The following PDLIM3 variants were observed in gnomAD, a reference collection of about 807,000 sequenced individuals.
The protein encoded by PDLIM3 is PDZ and LIM domain 3, also known as PDZ and LIM domain protein 3.
A neutral mutation model predicts 37.3 loss-of-function variants in PDLIM3; 36 were observed. That is an observed-to-expected ratio of 0.97 (90% CI 0.74 to 1.28). The LOEUF is 1.28. PDLIM3 is among the 50% of genes most tolerant of loss of function. The probability of loss-of-function intolerance (pLI) is 0.00; values close to 1 mark genes in which losing one functional copy is unlikely to be tolerated. For synonymous variants in PDLIM3, 174 were observed against 182.4 expected, an observed-to-expected ratio of 0.95 and a Z score of 0.37; for missense variants, 454 against 485.0, an observed-to-expected ratio of 0.94 and a Z score of 0.60.
intron 2 of PDLIM3, among the ~76,000 whole-genome samples, chr4:185,523,663 G>A (rs2153337939): frequency 6.9e-6 from 1 of 145,072 alleles, no homozygotes; most frequent in Admixed American, 7.1e-5. Flanking sequence ...CTGTCAACCA[G>A]GCTGGAGTGC....
rs1410401056 is a variant in PDLIM3, at chr4:185,514,267, G to T, written c.398+3C>A. ...CAAACTCCACAGTCTCAGCGCTTATGACCTGCTTCGGCCCGGGATCACGAA... is the reference window on the plus strand; with the variant it reads ...CAAACTCCACAGTCTCAGCGCTTATTACCTGCTTCGGCCCGGGATCACGAA... On this transcript the variant is annotated splice_donor_region_variant and intron_variant, in intron 4 of 7. Coordinates refer to ENST00000284767, the MANE Select transcript of PDLIM3 (RefSeq NM_014476.6). This position sits in a 1 kb window ranked among gnomAD's most constrained non-coding sequence, Gnocchi z 4.0. The T allele has an allele frequency of 1.2e-6, 2 of 1,614,076 alleles. No individual in the cohort carries two copies. The highest frequency in any genetic ancestry group is 1.3e-5 in the African/African-American group (1 of 74,936).
intron 4 of PDLIM3, among the ~76,000 whole-genome samples, chr4:185,510,688 G>T (rs1162838681): frequency 6.6e-6 from 1 of 152,256 alleles, no homozygotes; most frequent in Admixed American, 6.5e-5. Context: ...AACTTGCACA[G>T]TTCAAACCCG....
Position 185,523,342 on chromosome 4 carries a change from A to G in PDLIM3, c.330+20T>C, listed in dbSNP as rs753557334. ...TTTAAAAGGAAATACAATGTGTATC[A>G]TTTGCTCTAAAACGCATACCTGTGG... On this transcript the variant is annotated intron_variant, in intron 3 of 7. Coordinates refer to ENST00000284767, the MANE Select transcript of PDLIM3 (RefSeq NM_014476.6). 1.3e-6 allele frequency: 2 copies of G among 1,524,650 alleles called. No individual in the cohort carries two copies. Among genetic ancestry groups the G allele is most frequent in the Middle Eastern group, 1.7e-4 (1 of 5,902 alleles). 94.4% of individuals were successfully genotyped at this position (1,524,650 alleles called of 1,614,324 possible).
intron 6 of PDLIM3, 113 bp downstream of exon 6, chr4:185,506,409 C>T: frequency 1.4e-6 from 2 of 1,419,582 alleles, no homozygotes; most frequent in Non-Finnish European, 9.8e-7. Context: ...ATTTGGCTCC[C>T]AATGAAAACC....
intron 2 of PDLIM3, among the ~76,000 whole-genome samples, chr4:185,524,655 C>T (rs927776419): frequency 6.6e-6 from 1 of 151,820 alleles, no homozygotes; most frequent in African/African-American, 2.4e-5. Flanking sequence ...GGAATCTCTC[C>T]ATTCCATTCC....
intron 1 of PDLIM3, among the ~76,000 whole-genome samples, chr4:185,525,828 C>A (rs1405058012): frequency 6.6e-6 from 1 of 152,154 alleles, no homozygotes; most frequent in East Asian, 1.9e-4. Flanking sequence ...GAGGTGTCTG[C>A]AACCCAGAAG....
At chr4:185,534,831 G>C (rs1315746123) in intron 1 of PDLIM3, among the ~76,000 whole-genome samples, 1 of 152,182 alleles carries the variant, frequency 6.6e-6, no homozygotes, top group Non-Finnish European at 1.5e-5. Flanking sequence ...TTTGGCCAAC[G>C]CAGGTCGTGC....
At chr4:185,530,703 T>C (rs1436015186) in intron 1 of PDLIM3, among the ~76,000 whole-genome samples, 1 of 152,154 alleles carries the variant, frequency 6.6e-6, no homozygotes. Flanking sequence ...AAGTGTTAAA[T>C]TGCAGCTGTG....
At chr4:185,524,926 G>T in intron 2 of PDLIM3, 94 bp downstream of exon 2, 1 of 1,224,842 alleles carries the variant, frequency 8.2e-7, no homozygotes, top group Non-Finnish European at 1.2e-6. Flanking sequence ...TAGGTCTGTG[G>T]CCCTCCTTGC....
rs2095711164 is a variant in PDLIM3 at position 185,514,253 on chromosome 4, GTC to G, written c.398+15_398+16del. ...AGAAGCATGCACTGCAAACTCCACA[GTC>G]TCAGCGCTTATGACCTGCTTCGGCC... is the stretch of plus-strand genomic sequence containing the variant. On this transcript the variant is annotated intron_variant, in intron 4 of 7. Transcript: ENST00000284767. This position sits in a 1 kb window ranked among gnomAD's most constrained non-coding sequence, Gnocchi z 4.0. 1 of 1,614,242 alleles carries G rather than the reference GTC, an allele frequency of 6.2e-7. No homozygotes were observed. Among genetic ancestry groups the G allele is most frequent in the Non-Finnish European group, 8.5e-7 (1 of 1,180,050 alleles).
At chr4:185,506,199 G>C (rs1043257987) in intron 6 of PDLIM3, among the ~76,000 whole-genome samples, 1 of 152,188 alleles carries the variant, frequency 6.6e-6, no homozygotes, top group East Asian at 1.9e-4. Flanking sequence ...AGAGTGTGGG[G>C]GGGAGGCTGA....
At chr4:185,508,053 C>T (rs2095700699) in intron 5 of PDLIM3, among the ~76,000 whole-genome samples, 1 of 152,194 alleles carries the variant, frequency 6.6e-6, no homozygotes, top group Non-Finnish European at 1.5e-5. Context: ...TAAAGCTCTA[C>T]AGATAATTCC....
chr4:185,508,358 A>G lies in PDLIM3; in HGVS notation c.603T>C (p.Asn201=), dbSNP rs1446602869. Residue 201 remains asparagine, a synonymous_variant, in exon 5 of 8, where the codon AAT becomes AAC. Transcript: ENST00000284767. ...CCTGACCCTGGAGTGTTTCCATAAT[A>G]TTGTCATCTGAGTACAACTGCATAG... ...NTPMQLYSDD[N]IMETLQGQVS... 1 of 1,614,066 alleles carries G rather than the reference A, an allele frequency of 6.2e-7. No individual in the cohort carries two copies. The highest frequency in any genetic ancestry group is 1.7e-5 in the Admixed American group (1 of 60,012).
rs1051074605 is a variant in PDLIM3, at chr4:185,504,367, T to C, written c.905+108A>G. 1.9e-5 allele frequency: 16 copies of C among 842,442 alleles called. No individual in the cohort carries two copies. The highest frequency in any genetic ancestry group is 1.1e-4 in the East Asian group (4 of 37,634). The allele number at this position is 842,442 out of a possible 1,614,324, so 52.2% of individuals were successfully genotyped here. ...GGACCTTACGTTTCAAGTTGATGAA[T>C]AGAAATTTGGTTTTCACAGTTGCCT... On this transcript the variant is annotated intron_variant, in intron 7 of 7. Transcript: ENST00000284767. The surrounding 1 kb of genome is among the most constrained non-coding windows in gnomAD (Gnocchi z 4.7).
rs768654855 is a variant in PDLIM3, at chr4:185,535,381, T to A, written c.54A>T (p.Ser18=). The A allele has an allele frequency of 6.2e-7, 1 of 1,608,218 alleles. No homozygotes were observed. Residue 18 remains serine (S), a synonymous_variant, in exon 1 of 8, where the codon TCA becomes TCT. Transcript: ENST00000284767. ...PGPAPWGFRL[S]GGIDFNQPLV... ...AAGGCTGGTTGAAGTCTATGCCCCC[T>A]GAGAGCCTGAAGCCCCAGGGCGCAG...
intron 4 of PDLIM3, among the ~76,000 whole-genome samples, chr4:185,511,303 C>T (rs2095706136): frequency 6.6e-6 from 1 of 151,922 alleles, no homozygotes; most frequent in Non-Finnish European, 1.5e-5. Flanking sequence ...ATCAAAAGAA[C>T]TATAGCTAAT....
chr4:185,517,408 T>C (rs1190002168), intron 3 of PDLIM3: 1 of 148,590 alleles, frequency 6.7e-6, no homozygotes, highest in Non-Finnish European at 1.5e-5. Context: ...AAAGTCTTTG[T>C]AAATAGAATT....
rs780511861 is a variant in PDLIM3, at chr4:185,502,446, G to T, written c.943C>A (p.Pro315Thr). The T allele has an allele frequency of 3.7e-6, 6 of 1,614,170 alleles. No homozygotes were observed. The South Asian group carries it at 4.4e-5, about 12-fold the overall frequency. ...CAGTCGGCACACACGAAGCACTCAG[G>T]GTGCCGGTACTTATCCCGCGCCTTC... is the stretch of plus-strand genomic sequence containing the variant. ...VVKARDKYRH[P>T]ECFVCADCNL... Residue 315 changes from proline to threonine, a missense_variant, in exon 8 of 8, where the codon CCT becomes ACT. By Grantham distance (38) the Pro-to-Thr change is conservative. Transcript: ENST00000284767.
rs764823333 is a variant in PDLIM3 at position 185,502,346 on chromosome 4, C to G, written c.1043G>C (p.Arg348Pro). 1 of 1,614,192 alleles carries G rather than the reference C, an allele frequency of 6.2e-7. No individual in the cohort carries two copies. Among genetic ancestry groups the G allele is most frequent in the Admixed American group, 1.7e-5 (1 of 60,022 alleles). The part of the protein sequence containing the change: ...ELYCETHARA[R>P]TKPPEGYDTV... ...GTCATAGCCCTCTGGGGGCTTTGTG[C>G]GGGCTCTTGCGTGGGTTTCGCAGTA... The change falls in exon 8 of 8, where the codon CGC becomes CCC. Residue 348 changes from arginine (R) to proline (P), a missense_variant. Transcript: ENST00000284767.
Sources: allele counts gnomAD v4.1 joint callset (sites outside exome capture counted in the v4.1 genomes callset), GRCh38; gene constraint gnomAD v4.1.1; non-coding constraint Gnocchi (gnomAD v3.1); transcripts MANE v1.5; gene names NCBI Gene and HGNC (gene_info 2026-07-23, HGNC 2026-07-21).